Variants in NBPF19 observed in about 807,000 individuals in gnomAD.
The protein encoded by NBPF19 is NBPF family member NBPF19.
NBPF19 carries 30 observed loss-of-function variants against 45.9 expected under a neutral mutation model. The observed-to-expected ratio is 0.65, with a 90% CI of 0.49 to 0.89. NBPF19 has a LOEUF of 0.89. Among genes scored for constraint, NBPF19 ranks in the 40% least tolerant of loss-of-function variants. NBPF19 has a pLI of 0.00. For synonymous variants in NBPF19, 183 were observed against 181.2 expected (o/e 1.01, Z -0.08); for missense variants, 495 against 471.8 (o/e 1.05, Z -0.46).
chr1:149,479,713 A>G (rs1297532559), intron 4 of NBPF19, among the ~76,000 whole-genome samples: 4 of 150,024 alleles, frequency 2.7e-5, no homozygotes, highest in Non-Finnish European at 6.0e-5. Flanking sequence ...AGCCACATGG[A>G]GGGCCTGTGC....
At position 149,478,647 on chromosome 1, in the gene NBPF19, A is replaced by G. The variant is rs1466533755; in HGVS notation, c.279-233A>G. ...AGACACCTACTTTTGTTTACAGAAG[A>G]GAAAGATGAATGGAACATCATCGAG... On this transcript the variant is annotated intron_variant, in intron 3 of 93. Transcript: ENST00000651566. Among the ~76,000 whole-genome samples the G allele has an allele frequency of 2.2e-3, 332 of 150,318 alleles. 7 individuals are homozygous for G. The highest frequency in any genetic ancestry group is 7.7e-3 in the African/African-American group (314 of 40,890).
At position 149,475,109 on chromosome 1, in the gene NBPF19, G is replaced by T. The variant is rs2084762973; in HGVS notation, c.-722G>T. On this transcript the variant is annotated 5_prime_UTR_variant, in exon 1 of 94. In the 5' UTR this introduces an upstream ATG that the reference lacks. Transcript: ENST00000651566. The stretch of plus-strand genomic sequence containing the variant: ...CTAGAATGTAATGAAAACCCAAGAA[G>T]GTGCCCCAGTAAGAAAGAGGAAATC... 6.9e-6 allele frequency among the ~76,000 whole-genome samples: 1 copy of T among 145,852 alleles called. No individual in the cohort carries two copies. The highest frequency in any genetic ancestry group is 1.5e-5 in the Non-Finnish European group (1 of 66,536).
Position 149,555,032 on chromosome 1 carries a change from A to T in NBPF19, c.*294A>T. On this transcript the variant is annotated 3_prime_UTR_variant, in exon 94 of 94. Coordinates refer to ENST00000651566, the MANE Select transcript of NBPF19 (RefSeq NM_001351365.2). ...TGGGTAGCTACAAAATTCCTCAGGG[A>T]TTTCATTTTGCAGGCATGTCTCTGA... is the stretch of plus-strand genomic sequence containing the variant. 4.1e-6 allele frequency: 2 copies of T among 490,970 alleles called. No homozygotes were observed. The highest frequency in any genetic ancestry group is 7.1e-6 in the Non-Finnish European group (2 of 280,508). The allele number at this position is 490,970 out of a possible 1,614,324, so 30.4% of individuals were successfully genotyped here. A position where few individuals can be genotyped will look rare whatever the true frequency, so the allele number is the denominator to read the frequency against.
chr1:149,521,271 G>A, intron 51 of NBPF19, 48 bp from the exon 52 acceptor site: 1 of 144,596 alleles, frequency 6.9e-6, no homozygotes. Flanking sequence ...GGGCTGTGCG[G>A]TTTCTGATTC....
chr1:149,478,792 G>A lies in NBPF19; in HGVS notation c.279-88G>A, dbSNP rs1252818911. The A allele has an allele frequency of 6.8e-6, 9 of 1,314,034 alleles. 1 individual carries two copies. The highest frequency in any genetic ancestry group is 2.6e-4 in the Middle Eastern group (1 of 3,902). 81.4% of individuals were successfully genotyped at this position (1,314,034 alleles called of 1,614,324 possible). A position where few individuals can be genotyped will look rare whatever the true frequency, so the allele number is the denominator to read the frequency against. ...CCTTCTGCTTGGAGGTCTCCTTGAG[G>A]ACATTGTCTCAGAAGTCTCTGTTGC... On this transcript the variant is annotated intron_variant, in intron 3 of 93. Coordinates refer to ENST00000651566, the MANE Select transcript of NBPF19 (RefSeq NM_001351365.2).
chr1:149,477,970 A>C lies in NBPF19; in HGVS notation c.201A>C (p.Ile67=). The C allele has an allele frequency of 6.8e-7, 1 of 1,466,842 alleles. No homozygotes were observed. The highest frequency in any genetic ancestry group is 9.5e-7 in the Non-Finnish European group (1 of 1,055,304). 90.9% of individuals were successfully genotyped at this position (1,466,842 alleles called of 1,614,324 possible). ...KYKYEECKDL[I]KFMLRNERQF... ...AGTATGAAGAGTGTAAAGACCTCAT[A>C]AAATTTATGCTGAGGAATGAGCGAC... The change falls in exon 3 of 94, where the codon ATA becomes ATC. Residue 67 remains isoleucine (I), a synonymous_variant. Transcript: ENST00000651566.
rs1356439783 is a variant in NBPF19, at chr1:149,554,982, C to G, written c.*244C>G. ...CACATGCCGGGAGTGATCAGTCGGA[C>G]ATTTTAATTTGAACCACGTATCTTT... On this transcript the variant is annotated 3_prime_UTR_variant, in exon 94 of 94. Coordinates refer to ENST00000651566, the MANE Select transcript of NBPF19 (RefSeq NM_001351365.2). 4 of 692,736 alleles carry G rather than the reference C, an allele frequency of 5.8e-6. No individual in the cohort carries two copies. Among genetic ancestry groups the G allele is most frequent in the Non-Finnish European group, 9.2e-6 (4 of 432,856 alleles). 42.9% of individuals were successfully genotyped at this position (692,736 alleles called of 1,614,324 possible). A position where few individuals can be genotyped will look rare whatever the true frequency, so the allele number is the denominator to read the frequency against.
intron 7 of NBPF19, among the ~76,000 whole-genome samples, chr1:149,483,628 A>G (rs1181076263): frequency 6.7e-6 from 1 of 149,290 alleles, no homozygotes; most frequent in African/African-American, 2.5e-5. Context: ...CCTAGCGTCA[A>G]TGGTCTTTAC....
At position 149,487,444 on chromosome 1, in the gene NBPF19, G is replaced by C. The variant is rs1203296342; in HGVS notation, c.1040+61G>C. ...TTGACACCTGGAGATGCCAAGTCCA[G>C]GGAAAACAGTACATGCTGAAAATAA... On this transcript the variant is annotated intron_variant, in intron 9 of 93. Coordinates refer to ENST00000651566, the MANE Select transcript of NBPF19 (RefSeq NM_001351365.2). 9 of 927,178 alleles carry C rather than the reference G, an allele frequency of 9.7e-6. No individual in the cohort carries two copies. The African/African-American group carries it at 1.1e-4, about 12-fold the overall frequency. 57.4% of individuals were successfully genotyped at this position (927,178 alleles called of 1,614,324 possible).
chr1:149,484,603 TAG>T (rs2085404739), intron 7 of NBPF19, among the ~76,000 whole-genome samples: 2 of 144,850 alleles, frequency 1.4e-5, no homozygotes, highest in African/African-American at 5.1e-5. Context: ...TTCTGGCTTG[TAG>T]GGTTTGTGCC....
At position 149,554,632 on chromosome 1, in the gene NBPF19, A is replaced by C. The variant is rs2087199847; in HGVS notation, c.11426A>C (p.Glu3809Ala). The stretch of plus-strand genomic sequence containing the variant: ...TACAGAAGTGTGTTTTACTCATTTG[A>C]GGAAGAGCATATCAGCTTCGCCCTT... Reference protein sequence around the residue: ...QHYRSVFYSFEEEHISFALYL... With the variant: ...QHYRSVFYSFAEEHISFALYL... Residue 3809 changes from glutamate to alanine, a missense_variant, in exon 94 of 94, where the codon GAG becomes GCG. Coordinates refer to ENST00000651566, the MANE Select transcript of NBPF19 (RefSeq NM_001351365.2). 5.0e-6 allele frequency: 8 copies of C among 1,608,228 alleles called. No individual in the cohort carries two copies. The highest frequency in any genetic ancestry group is 1.7e-5 in the Admixed American group (1 of 59,882).
At chr1:149,509,932 CTG>C (rs1196755542) in intron 37 of NBPF19, among the ~76,000 whole-genome samples, 10 of 5,466 alleles carry the variant, frequency 1.8e-3, no homozygotes, top group East Asian at 0.056. Context: ...CTCTCTCTCT[CTG>C]TGTGTGTGTG....
chr1:149,554,360 T>C, intron 93 of NBPF19, 135 bp from the exon 94 acceptor site: 1 of 1,530,764 alleles, frequency 6.5e-7, no homozygotes, highest in Non-Finnish European at 8.8e-7. Context: ...GGCAATAAAT[T>C]TTTTTTTTTA....
Position 149,556,308 on chromosome 1 carries a change from G to C in NBPF19, c.*1570G>C, listed in dbSNP as rs2087247669. The C allele has an allele frequency of 1.3e-5, 2 of 149,476 alleles. No homozygotes were observed. 9.3% of individuals were successfully genotyped at this position (149,476 alleles called of 1,614,324 possible). A position where few individuals can be genotyped will look rare whatever the true frequency, so the allele number is the denominator to read the frequency against. ...ATTCAGTGTTATAATATTTGATTATGCTGATTGGTTTTGGTGGGTACTGAT... is the reference window on the plus strand; with the variant it reads ...ATTCAGTGTTATAATATTTGATTATCCTGATTGGTTTTGGTGGGTACTGAT... On this transcript the variant is annotated 3_prime_UTR_variant, in exon 94 of 94. Transcript: ENST00000651566.
chr1:149,494,286 G>C, intron 17 of NBPF19, 32 bp from the exon 18 acceptor site: 1 of 272,274 alleles, frequency 3.7e-6, no homozygotes, highest in South Asian at 2.4e-5. Context: ...GATTCCCCCT[G>C]GCTTATTCTT....
At chr1:149,487,764 C>A (rs1284501954) in intron 9 of NBPF19, among the ~76,000 whole-genome samples, 1 of 143,720 alleles carries the variant, frequency 7.0e-6, no homozygotes, top group Non-Finnish European at 1.5e-5. Flanking sequence ...GACCAATTGA[C>A]TGAGCTCGCT....
chr1:149,554,641 A>T lies in NBPF19; in HGVS notation c.11435A>T (p.His3812Leu), dbSNP rs1209106256. The change falls in exon 94 of 94, where the codon CAT becomes CTT. Residue 3812 changes from histidine to leucine, a missense_variant. Transcript: ENST00000651566. ...RSVFYSFEEEHISFALYLDNR... is the reference protein window; with the variant it reads ...RSVFYSFEEELISFALYLDNR... ...GTGTTTTACTCATTTGAGGAAGAGC[A>T]TATCAGCTTCGCCCTTTACTTGGAC... is the stretch of plus-strand genomic sequence containing the variant. The T allele has an allele frequency of 5.6e-6, 9 of 1,608,250 alleles. 2 individuals carry two copies. Among genetic ancestry groups the T allele is most frequent in the Middle Eastern group, 2.2e-4 (1 of 4,450 alleles).
rs1348830149 is a variant in NBPF19 at position 149,554,569 on chromosome 1, C to T, written c.11363C>T (p.Pro3788Leu). 36 of 1,608,066 alleles carry T rather than the reference C, an allele frequency of 2.2e-5. 1 individual carries two copies. Among genetic ancestry groups the T allele is most frequent in the Middle Eastern group, 2.2e-4 (1 of 4,450 alleles). Reference sequence around the variant, plus strand: ...TCACTGGATGGATGTTATTCGACTCCGTCAATGTACTTTGAACTACCTGAC... The same window carrying T: ...TCACTGGATGGATGTTATTCGACTCTGTCAATGTACTTTGAACTACCTGAC... Reference protein sequence around the residue: ...QDSLDGCYSTPSMYFELPDSF... With the variant: ...QDSLDGCYSTLSMYFELPDSF... The change falls in exon 94 of 94, where the codon CCG (proline) becomes CTG (leucine). Residue 3788 changes from proline to leucine, a missense_variant. This residue lies in a region of NBPF19 where 248 missense variants were observed against 95.4 expected (regional missense o/e 2.60). Coordinates refer to ENST00000651566, the MANE Select transcript of NBPF19 (RefSeq NM_001351365.2).
rs1341363545 is a variant in NBPF19 at position 149,487,331 on chromosome 1, G to C, written c.989-1G>C. The C allele has an allele frequency of 1.9e-6, 3 of 1,564,584 alleles. No homozygotes were observed. In the African/African-American group the frequency reaches 4.1e-5, roughly 21 times the overall value. On this transcript the variant is annotated splice_acceptor_variant, in intron 8 of 93. Transcript: ENST00000651566. LOFTEE classifies it high-confidence loss of function. ...GAGGGCCCATCTGAATTTATTTGCA[G>C]GACATCGCTGGGATCAAGTGAAAAA... is the stretch of plus-strand genomic sequence containing the variant.
Sources: allele counts gnomAD v4.1 joint callset (sites outside exome capture counted in the v4.1 genomes callset), GRCh38; gene constraint gnomAD v4.1.1; regional missense constraint gnomAD v4.1.1; transcripts MANE v1.5; gene names NCBI Gene and HGNC (gene_info 2026-07-23, HGNC 2026-07-21).